The following RGS7 variants were observed in gnomAD, a reference collection of about 807,000 sequenced individuals.
RGS7 encodes the protein regulator of G protein signaling 7, also known as regulator of G-protein signaling 7.
In RGS7, 27 loss-of-function variants were observed where a neutral mutation model predicts 81.1. The observed-to-expected ratio is 0.33, with a 90% CI of 0.25 to 0.46. The LOEUF (loss-of-function observed/expected upper bound fraction) is 0.46, where lower values mean the gene tolerates loss of function less well. Ranked by LOEUF, RGS7 falls within the 20% of genes least tolerant of loss-of-function variation. The pLI, the probability that RGS7 is intolerant of heterozygous loss-of-function variation, is 1.00. For missense variants in RGS7, 396 were observed against 607.4 expected, an observed-to-expected ratio of 0.65 and a Z score of 3.66; for synonymous variants, 208 against 207.7, an observed-to-expected ratio of 1.00 and a Z score of -0.01.
intron 14 of RGS7, among the ~76,000 whole-genome samples, chr1:240,809,918 T>G (rs963015059): frequency 2.6e-5 from 4 of 152,186 alleles, no homozygotes; most frequent in African/African-American, 4.8e-5. Flanking sequence ...ATTTCTTAGA[T>G]ATAATCACTT....
chr1:241,261,799 A>G (rs2077351243), intron 2 of RGS7, among the ~76,000 whole-genome samples: 1 of 152,154 alleles, frequency 6.6e-6, no homozygotes, highest in Non-Finnish European at 1.5e-5. Context: ...ATCTGGTGAT[A>G]CTAGAGCTGA....
chr1:241,054,946 T>C (rs2061409376), intron 3 of RGS7, among the ~76,000 whole-genome samples: 1 of 152,196 alleles, frequency 6.6e-6, no homozygotes, highest in African/African-American at 2.4e-5. Flanking sequence ...AATCCAAACT[T>C]TCTAACTATG....
rs919989285 is a variant in RGS7 at position 241,208,308 on chromosome 1, G to A, written c.79-109546C>T. Among the ~76,000 whole-genome samples the A allele has an allele frequency of 2.6e-5, 4 of 152,202 alleles. No individual in the cohort carries two copies. In the East Asian group the frequency reaches 5.8e-4, roughly 22 times the overall value. On this transcript the variant is annotated intron_variant, in intron 2 of 18. Transcript: ENST00000440928. ...AGTCTCATGGCCATGTCTAAGCCAC[G>A]CCCTGACGATAGGGTTGGGATGACT...
chr1:241,061,935 G>A (rs1364327395), intron 3 of RGS7, among the ~76,000 whole-genome samples: 1 of 152,182 alleles, frequency 6.6e-6, no homozygotes. Flanking sequence ...ATGCTTGGTC[G>A]TATCTCAACA....
intron 2 of RGS7, among the ~76,000 whole-genome samples, chr1:241,286,975 G>C (rs1456603181): frequency 6.6e-6 from 1 of 152,122 alleles, no homozygotes; most frequent in Non-Finnish European, 1.5e-5. Context: ...GTGTCATAAG[G>C]AAATAATCGG....
intron 2 of RGS7, among the ~76,000 whole-genome samples, chr1:241,180,465 G>T (rs1159624859): frequency 6.6e-6 from 1 of 152,104 alleles, no homozygotes; most frequent in Non-Finnish European, 1.5e-5. Flanking sequence ...TGTGTGTTTT[G>T]TTCTTCCTCA....
At chr1:240,815,774 G>A (rs1690699862) in intron 11 of RGS7, among the ~76,000 whole-genome samples, 1 of 152,066 alleles carries the variant, frequency 6.6e-6, no homozygotes, top group South Asian at 2.1e-4. Context: ...ATATTACTTG[G>A]AGTCAACACC....
chr1:241,134,940 G>A (rs1042989535), intron 2 of RGS7, among the ~76,000 whole-genome samples: 1 of 150,500 alleles, frequency 6.6e-6, no homozygotes, highest in Non-Finnish European at 1.5e-5. Flanking sequence ...TACCCCGGCC[G>A]GAAGACACCT....
chr1:241,142,309 G>T (rs937588673), intron 2 of RGS7, among the ~76,000 whole-genome samples: 1 of 152,196 alleles, frequency 6.6e-6, no homozygotes, highest in African/African-American at 2.4e-5. Context: ...GCCCCAGTAG[G>T]GACTCTGTGT....
At chr1:240,923,163 A>G (rs1302339370) in intron 6 of RGS7, among the ~76,000 whole-genome samples, 2 of 152,094 alleles carry the variant, frequency 1.3e-5, no homozygotes, top group East Asian at 1.9e-4. Flanking sequence ...CAGTGAAAAG[A>G]TAAGTGTGTG....
At chr1:240,885,299 G>A (rs185147121) in intron 6 of RGS7, among the ~76,000 whole-genome samples, 1 of 152,242 alleles carries the variant, frequency 6.6e-6, no homozygotes, top group Non-Finnish European at 1.5e-5. Flanking sequence ...GCACACTCTT[G>A]GTGGGAGTGT....
intron 2 of RGS7, among the ~76,000 whole-genome samples, chr1:241,353,395 A>T (rs2083367955): frequency 6.6e-6 from 1 of 152,242 alleles, no homozygotes; most frequent in South Asian, 2.1e-4. Flanking sequence ...GTCTACACAC[A>T]GATAAAGACC....
At chr1:241,127,868 G>C (rs1435438739) in intron 2 of RGS7, among the ~76,000 whole-genome samples, 1 of 152,072 alleles carries the variant, frequency 6.6e-6, no homozygotes, top group Non-Finnish European at 1.5e-5. Context: ...AGAAAGATAA[G>C]AGGATGATAA....
At chr1:240,874,028 C>T (rs1044174456) in intron 6 of RGS7, among the ~76,000 whole-genome samples, 6 of 152,050 alleles carry the variant, frequency 3.9e-5, no homozygotes, top group Non-Finnish European at 7.4e-5. Context: ...GAGGATGGAA[C>T]CTTCCTTAAT....
Position 241,016,323 on chromosome 1 carries a change from T to C in RGS7, c.176-33194A>G, listed in dbSNP as rs546972674. ...TTATGAGGTCAAGAGAACAAGACCA[T>C]CCTGGCCAACATCGTGAGACCCTGT... On this transcript the variant is annotated intron_variant, in intron 3 of 18. Coordinates refer to ENST00000440928, the MANE Select transcript of RGS7 (RefSeq NM_001364886.1). 2.7e-3 allele frequency among the ~76,000 whole-genome samples: 413 copies of C among 152,104 alleles called. 2 individuals are homozygous for C. The highest frequency in any genetic ancestry group is 4.8e-3 in the Non-Finnish European group (324 of 67,966).
Position 241,237,122 on chromosome 1 carries a change from C to A in RGS7, c.78+118577G>T, listed in dbSNP as rs559425847. ...AAAGAAAATATTTTTTAAAATTAGC[C>A]AATAATCCATTTATAAGGACAACAA... On this transcript the variant is annotated intron_variant, in intron 2 of 18. Coordinates refer to ENST00000440928, the MANE Select transcript of RGS7 (RefSeq NM_001364886.1). Among the ~76,000 whole-genome samples the A allele has an allele frequency of 1.1e-4, 16 of 152,242 alleles. 1 individual carries two copies. Among genetic ancestry groups the A allele is most frequent in the African/African-American group, 3.6e-4 (15 of 41,542 alleles).
At chr1:241,018,971 G>A (rs2059409014) in intron 3 of RGS7, among the ~76,000 whole-genome samples, 1 of 152,104 alleles carries the variant, frequency 6.6e-6, no homozygotes, top group African/African-American at 2.4e-5. Context: ...CCTTTGTTAG[G>A]CACAAAGTAT....
intron 6 of RGS7, among the ~76,000 whole-genome samples, chr1:240,920,927 T>C (rs1673419605): frequency 6.7e-6 from 1 of 149,440 alleles, no homozygotes; most frequent in Admixed American, 6.8e-5. Context: ...ATAGTTTGAT[T>C]GTGATGCTGA....
chr1:240,979,735 C>A (rs1254141498), intron 4 of RGS7, among the ~76,000 whole-genome samples: 1 of 152,100 alleles, frequency 6.6e-6, no homozygotes, highest in Admixed American at 6.6e-5. Flanking sequence ...CTGAACCTTC[C>A]AACATTTATG....
Sources: allele counts gnomAD v4.1 joint callset (sites outside exome capture counted in the v4.1 genomes callset), GRCh38; gene constraint gnomAD v4.1.1; transcripts MANE v1.5; gene names NCBI Gene and HGNC (gene_info 2026-07-23, HGNC 2026-07-21).